Variants in CDH13 observed in about 807,000 individuals in gnomAD.
CDH13 encodes cadherin-13.
Under a neutral mutation model 63.8 loss-of-function variants are expected in CDH13, and 24 were observed. That is an observed-to-expected ratio of 0.38 (90% CI 0.27 to 0.53). CDH13 has a LOEUF of 0.53. Among genes scored for constraint, CDH13 ranks in the 20% least tolerant of loss-of-function variants. CDH13 has a pLI of 0.85. For missense variants in CDH13, 1,049 were observed against 903.1 expected (o/e 1.16, Z -2.07); for synonymous variants, 503 against 355.3 (o/e 1.42, Z -4.67).
rs76523743 is a variant in CDH13, at chr16:83,777,797, A to C, written c.1682-2171A>C. 8.1e-3 allele frequency among the ~76,000 whole-genome samples: 1,231 copies of C among 152,320 alleles called. 24 individuals carry two copies. Among genetic ancestry groups the C allele is most frequent in the African/African-American group, 0.029 (1,187 of 41,576 alleles). On this transcript the variant is annotated intron_variant, in intron 11 of 13. Coordinates refer to ENST00000567109, the MANE Select transcript of CDH13 (RefSeq NM_001257.5). ...CTGATAGCCTAACTGCAAACTTAAT[A>C]TGCGTTTCAAAACATAAATATAGTA...
At chr16:82,936,144 C>G (rs2042660621) in intron 2 of CDH13, among the ~76,000 whole-genome samples, 1 of 152,172 alleles carries the variant, frequency 6.6e-6, no homozygotes, top group Non-Finnish European at 1.5e-5. Context: ...GAGCTGCCAT[C>G]TTGAACATGT....
chr16:83,650,776 C>T (rs900113043), intron 8 of CDH13, among the ~76,000 whole-genome samples: 2 of 151,994 alleles, frequency 1.3e-5, no homozygotes, highest in African/African-American at 2.4e-5. Flanking sequence ...GATTACAATT[C>T]GAAAAGAAAA....
intron 3 of CDH13, among the ~76,000 whole-genome samples, chr16:83,054,857 G>T (rs1426939597): frequency 2.6e-5 from 4 of 151,920 alleles, no homozygotes; most frequent in Admixed American, 2.6e-4. Flanking sequence ...AACAAAATTT[G>T]GTTCTAACAA....
At chr16:83,353,854 C>T (rs376798492) in intron 6 of CDH13, among the ~76,000 whole-genome samples, 11 of 152,188 alleles carry the variant, frequency 7.2e-5, no homozygotes, top group East Asian at 5.8e-4. Flanking sequence ...TAAAAATAAA[C>T]GCTTAATAGC....
At chr16:82,750,374 C>G (rs2034361166) in intron 1 of CDH13, among the ~76,000 whole-genome samples, 1 of 152,156 alleles carries the variant, frequency 6.6e-6, no homozygotes, top group Non-Finnish European at 1.5e-5. Context: ...AAGTGTGTGC[C>G]TCTACCAGCC....
intron 2 of CDH13, among the ~76,000 whole-genome samples, chr16:82,912,319 C>G (rs1020028956): frequency 2.0e-5 from 3 of 152,146 alleles, no homozygotes; most frequent in Non-Finnish European, 2.9e-5. Flanking sequence ...TAAACCTGAG[C>G]CAGCTAAATA....
At chr16:83,722,154 C>G (rs1053882291) in intron 10 of CDH13, among the ~76,000 whole-genome samples, 6 of 152,168 alleles carry the variant, frequency 3.9e-5, no homozygotes, top group African/African-American at 1.4e-4. Flanking sequence ...CCACAGTATT[C>G]AAATCCCAAC....
intron 2 of CDH13, among the ~76,000 whole-genome samples, chr16:83,022,404 CT>C (rs1171221228): frequency 6.6e-6 from 1 of 152,212 alleles, no homozygotes; most frequent in African/African-American, 2.4e-5. Flanking sequence ...GTGTCATGTC[CT>C]TGAGACAGCT....
chr16:83,051,899 T>A (rs555711212), intron 3 of CDH13, among the ~76,000 whole-genome samples: 2 of 152,234 alleles, frequency 1.3e-5, no homozygotes, highest in Non-Finnish European at 2.9e-5. Context: ...TTTCCTTGAT[T>A]TATTTGGACT....
intron 3 of CDH13, among the ~76,000 whole-genome samples, chr16:83,080,174 C>T (rs925358145): frequency 2.0e-5 from 3 of 152,094 alleles, no homozygotes; most frequent in Non-Finnish European, 4.4e-5. Context: ...CTTTCTCTCT[C>T]GGTTCATCCA....
intron 6 of CDH13, among the ~76,000 whole-genome samples, chr16:83,366,805 G>C (rs1419352919): frequency 6.6e-6 from 1 of 152,094 alleles, no homozygotes; most frequent in Non-Finnish European, 1.5e-5. Context: ...GTCATGGTGT[G>C]GTGGTTGACA....
intron 1 of CDH13, among the ~76,000 whole-genome samples, chr16:82,748,687 G>C (rs2034285279): frequency 6.6e-6 from 1 of 152,156 alleles, no homozygotes; most frequent in Middle Eastern, 3.2e-3. Flanking sequence ...CACTGTGCTT[G>C]TCACAGATCA....
chr16:83,141,020 A>G (rs1280070436), intron 4 of CDH13, among the ~76,000 whole-genome samples: 1 of 152,224 alleles, frequency 6.6e-6, no homozygotes, highest in East Asian at 1.9e-4. Context: ...AATGAACCAG[A>G]GTCACTGAAG....
chr16:83,567,860 G>T (rs1319496627), intron 7 of CDH13, among the ~76,000 whole-genome samples: 1 of 152,180 alleles, frequency 6.6e-6, no homozygotes, highest in African/African-American at 2.4e-5. Context: ...CTCCCAAAGT[G>T]CTGGGATTAC....
intron 10 of CDH13, among the ~76,000 whole-genome samples, chr16:83,727,544 C>T (rs190869228): frequency 6.6e-6 from 1 of 151,802 alleles, no homozygotes; most frequent in African/African-American, 2.4e-5. Context: ...AGTGGGTTCT[C>T]AAAGGAGAAC....
At chr16:83,612,841 T>A (rs1001619076) in intron 8 of CDH13, among the ~76,000 whole-genome samples, 3 of 152,192 alleles carry the variant, frequency 2.0e-5, no homozygotes, top group Non-Finnish European at 4.4e-5. Flanking sequence ...ATTGTTGTTA[T>A]GTTTTAATTC....
At chr16:82,809,534 A>C (rs1392646971) in intron 1 of CDH13, among the ~76,000 whole-genome samples, 3 of 152,150 alleles carry the variant, frequency 2.0e-5, no homozygotes, top group Non-Finnish European at 4.4e-5. Context: ...CAAATCTATC[A>C]GAATACTAAC....
chr16:83,574,568 C>T (rs1904934821), intron 7 of CDH13, among the ~76,000 whole-genome samples: 1 of 152,340 alleles, frequency 6.6e-6, no homozygotes, highest in African/African-American at 2.4e-5. Context: ...TTACCAACCA[C>T]ACACCTGTGA....
intron 1 of CDH13, among the ~76,000 whole-genome samples, chr16:82,751,703 TAA>T (rs33998437): frequency 2.1e-3 from 288 of 139,850 alleles, no homozygotes; most frequent in African/African-American, 3.8e-3. Context: ...GGAAAACAGG[TAA>T]AAAAAAAAAA....
Sources: allele counts gnomAD v4.1 joint callset (sites outside exome capture counted in the v4.1 genomes callset), GRCh38; gene constraint gnomAD v4.1.1; transcripts MANE v1.5; gene names NCBI Gene and HGNC (gene_info 2026-07-23, HGNC 2026-07-21).